MAML2: variants seen among roughly 807,000 people sequenced by gnomAD.
MAML2 encodes the protein mastermind like transcriptional coactivator 2.
In MAML2, 22 loss-of-function variants were observed where a neutral mutation model predicts 96.1. The ratio of observed to expected loss-of-function variants is 0.23; its 90% confidence interval spans 0.16 to 0.33. MAML2 has a LOEUF of 0.33. Among genes scored for constraint, MAML2 ranks in the 10% least tolerant of loss-of-function variants. The pLI, the probability that MAML2 is intolerant of heterozygous loss-of-function variation, is 1.00. For missense variants in MAML2, 1,367 were observed against 1,392.4 expected, an observed-to-expected ratio of 0.98 and a Z score of 0.29; for synonymous variants, 561 against 521.3, an observed-to-expected ratio of 1.08 and a Z score of -1.04.
intron 1 of MAML2, among the ~76,000 whole-genome samples, chr11:96,237,556 C>A (rs1259198953): frequency 1.3e-5 from 2 of 152,170 alleles, no homozygotes; most frequent in African/African-American, 4.8e-5. Context: ...AATATCTAAA[C>A]AAACTGTTAG....
In MAML2 at chr11:95,978,845, T is replaced by C; in HGVS notation, c.*103A>G. 1 of 1,068,124 alleles carries C rather than the reference T, an allele frequency of 9.4e-7. No homozygotes were observed. The highest frequency in any genetic ancestry group is 1.3e-6 in the Non-Finnish European group (1 of 761,160). 66.2% of individuals were successfully genotyped at this position (1,068,124 alleles called of 1,614,324 possible). A position where few individuals can be genotyped will look rare whatever the true frequency, so the allele number is the denominator to read the frequency against. ...GCTTTCCATTTTTAAGCATGTTATC[T>C]TCATGTAGTCCACCTGAACATCAAC... is the stretch of plus-strand genomic sequence containing the variant. On this transcript the variant is annotated 3_prime_UTR_variant, in exon 5 of 5. Coordinates refer to ENST00000524717, the MANE Select transcript of MAML2 (RefSeq NM_032427.4).
At chr11:95,985,188 G>A (rs1379632100) in intron 4 of MAML2, among the ~76,000 whole-genome samples, 1 of 152,180 alleles carries the variant, frequency 6.6e-6, no homozygotes, top group Non-Finnish European at 1.5e-5. Context: ...TTACACATGT[G>A]CCTGTCTAAG....
chr11:95,998,105 TA>T (rs1858020484), intron 2 of MAML2, among the ~76,000 whole-genome samples: 1 of 151,794 alleles, frequency 6.6e-6, no homozygotes, highest in Non-Finnish European at 1.5e-5. Flanking sequence ...TCTACCCATT[TA>T]TCCACTTTTC....
At chr11:96,096,037 A>G (rs1475334381) in intron 1 of MAML2, among the ~76,000 whole-genome samples, 1 of 152,260 alleles carries the variant, frequency 6.6e-6, no homozygotes, top group Non-Finnish European at 1.5e-5. Context: ...AACACAGACC[A>G]GAGAGAGTCA....
intron 1 of MAML2, among the ~76,000 whole-genome samples, chr11:96,118,303 T>C (rs907357251): frequency 6.9e-6 from 1 of 145,930 alleles, no homozygotes; most frequent in East Asian, 1.9e-4. Context: ...ATTGTAATCA[T>C]TGTAATCCCC....
In MAML2 at chr11:96,285,584, G is replaced by A. The variant is rs991460955; in HGVS notation, c.513+55799C>T. 5.3e-5 allele frequency among the ~76,000 whole-genome samples: 8 copies of A among 152,014 alleles called. 1 individual carries two copies. The highest frequency in any genetic ancestry group is 5.2e-4 in the Admixed American group (8 of 15,260). ...TTTTGCAATCTATCCATCTGACAAA[G>A]GTCTAATATCCAGAGTCTACAAGGA... On this transcript the variant is annotated intron_variant, in intron 1 of 4. Transcript: ENST00000524717.
intron 2 of MAML2, among the ~76,000 whole-genome samples, chr11:96,050,831 ATTCC>A (rs1388443236): frequency 6.6e-6 from 1 of 152,190 alleles, no homozygotes; most frequent in Non-Finnish European, 1.5e-5. Context: ...AGTAAAGGCA[ATTCC>A]TTCACCTGCC....
chr11:96,109,823 T>C (rs576694076), intron 1 of MAML2, among the ~76,000 whole-genome samples: 1 of 152,236 alleles, frequency 6.6e-6, no homozygotes, highest in East Asian at 1.9e-4. Flanking sequence ...GGTTTACAGA[T>C]CAGGAGCGAA....
chr11:96,334,730 C>T (rs1863894821), intron 1 of MAML2, among the ~76,000 whole-genome samples: 1 of 152,216 alleles, frequency 6.6e-6, no homozygotes, highest in African/African-American at 2.4e-5. Flanking sequence ...TTTTCCCAAA[C>T]TCTAAAAAGG....
chr11:96,276,520 C>T (rs1338442515), intron 1 of MAML2, among the ~76,000 whole-genome samples: 1 of 152,140 alleles, frequency 6.6e-6, no homozygotes, highest in Non-Finnish European at 1.5e-5. Context: ...CCCTCAAAAG[C>T]TGAGAGTGAC....
At chr11:96,109,034 T>C (rs1448772858) in intron 1 of MAML2, among the ~76,000 whole-genome samples, 2 of 126,492 alleles carry the variant, frequency 1.6e-5, no homozygotes, top group East Asian at 4.3e-4. Flanking sequence ...AAAAAAAAAA[T>C]GTATAAGCAA....
intron 2 of MAML2, among the ~76,000 whole-genome samples, chr11:96,081,156 C>T (rs890944136): frequency 2.0e-5 from 3 of 152,020 alleles, no homozygotes; most frequent in Non-Finnish European, 4.4e-5. Context: ...GGATGAAAGA[C>T]GTGTTCTTGC....
Position 96,115,161 on chromosome 11 carries a change from T to C in MAML2, c.514-21644A>G, listed in dbSNP as rs538352176. ...TGTGAGGTAGATTATTGGTCTTTTT[T>C]TGCTTTTTTTTTTTTCTGTAAGAGA... On this transcript the variant is annotated intron_variant, in intron 1 of 4. Coordinates refer to ENST00000524717, the MANE Select transcript of MAML2 (RefSeq NM_032427.4). Among the ~76,000 whole-genome samples the C allele has an allele frequency of 4.0e-3, 610 of 151,976 alleles. 6 individuals carry two copies. The highest frequency in any genetic ancestry group is 0.014 in the African/African-American group (579 of 41,488).
intron 1 of MAML2, among the ~76,000 whole-genome samples, chr11:96,196,597 T>C (rs1251218370): frequency 6.6e-6 from 1 of 152,238 alleles, no homozygotes; most frequent in Admixed American, 6.5e-5. Context: ...GTAGCTCTAG[T>C]GAATAACAGG....
intron 1 of MAML2, among the ~76,000 whole-genome samples, chr11:96,280,260 A>G (rs1273387063): frequency 6.6e-6 from 1 of 152,226 alleles, no homozygotes; most frequent in African/African-American, 2.4e-5. Flanking sequence ...CTAGCTGTGT[A>G]TCTCTCATGG....
intron 2 of MAML2, among the ~76,000 whole-genome samples, chr11:96,040,071 C>A (rs932462500): frequency 5.3e-5 from 8 of 152,070 alleles, no homozygotes; most frequent in Non-Finnish European, 8.8e-5. Flanking sequence ...ACCGGGGTTC[C>A]CTTTAGATGT....
chr11:96,049,212 C>A (rs992862474), intron 2 of MAML2, among the ~76,000 whole-genome samples: 2 of 152,128 alleles, frequency 1.3e-5, no homozygotes, highest in African/African-American at 4.8e-5. Context: ...GCATACTATG[C>A]TCTATTTTTC....
At chr11:96,017,884 G>T (rs2135734023) in intron 2 of MAML2, among the ~76,000 whole-genome samples, 1 of 152,318 alleles carries the variant, frequency 6.6e-6, no homozygotes, top group Non-Finnish European at 1.5e-5. Context: ...GCAACTGTCA[G>T]AACTTTAGCT....
chr11:96,163,018 C>T (rs1431709623), intron 1 of MAML2, among the ~76,000 whole-genome samples: 1 of 152,188 alleles, frequency 6.6e-6, no homozygotes, highest in East Asian at 1.9e-4. Context: ...TTTTGCAAAA[C>T]CCAGCTTTAG....
Sources: gnomAD v4.1 joint callset for allele counts (sites outside exome capture counted in the v4.1 genomes callset) on GRCh38, gnomAD v4.1.1 for gene constraint, MANE v1.5 for transcripts, NCBI Gene and HGNC (gene_info 2026-07-23, HGNC 2026-07-21) for gene names.